Variants in AGAP5 observed in about 807,000 individuals in gnomAD.
AGAP5 encodes arf-GAP with GTPase, ANK repeat and PH domain-containing protein 5.
Under a neutral mutation model 27.7 loss-of-function variants are expected in AGAP5, and 8 were observed. The observed-to-expected ratio is 0.29, with a 90% CI of 0.17 to 0.52. The LOEUF (loss-of-function observed/expected upper bound fraction) is 0.52. Among genes scored for constraint, AGAP5 ranks in the 20% least tolerant of loss-of-function variants. The pLI is 0.97. For synonymous variants in AGAP5, 111 were observed against 338.0 expected, an observed-to-expected ratio of 0.33 and a Z score of 7.37; for missense variants, 285 against 880.8, an observed-to-expected ratio of 0.32 and a Z score of 8.56.
intron 4 of AGAP5, among the ~76,000 whole-genome samples, chr10:73,690,622 A>G (rs2082109911): frequency 1.3e-5 from 2 of 152,016 alleles, no homozygotes; most frequent in African/African-American, 4.8e-5. Flanking sequence ...AAAAAAAAAA[A>G]AAAGAGCACA....
At position 73,698,032 on chromosome 10, in the gene AGAP5, C is replaced by A. The variant is rs914136484; in HGVS notation, c.-277G>T. On this transcript the variant is annotated 5_prime_UTR_variant, in exon 1 of 8. Transcript: ENST00000374094. ...CTTATTTAATAGGTTGTGAACCCAA[C>A]AAGCGCTGAGAGACACAACAACTGC... 4 of 1,410,160 alleles carry A rather than the reference C, an allele frequency of 2.8e-6. No homozygotes were observed. The highest frequency in any genetic ancestry group is 3.7e-6 in the Non-Finnish European group (4 of 1,082,686). The allele number at this position is 1,410,160 out of a possible 1,614,324, so 87.4% of individuals were successfully genotyped here.
At chr10:73,688,168 T>C (rs1428414377) in intron 4 of AGAP5, among the ~76,000 whole-genome samples, 1 of 152,186 alleles carries the variant, frequency 6.6e-6, no homozygotes, top group African/African-American at 2.4e-5. Context: ...ACCTGAGATA[T>C]AAAGAAAACT....
At chr10:73,690,468 C>G (rs1157478740) in intron 4 of AGAP5, among the ~76,000 whole-genome samples, 3 of 152,118 alleles carry the variant, frequency 2.0e-5, no homozygotes, top group African/African-American at 2.4e-5. Context: ...GACACAAACA[C>G]TGCGGAAGGC....
intron 4 of AGAP5, among the ~76,000 whole-genome samples, chr10:73,689,739 C>A (rs1158334295): frequency 1.3e-5 from 2 of 148,470 alleles, no homozygotes; most frequent in African/African-American, 5.0e-5. Context: ...AAGTGAGGAG[C>A]CCCTCCGCCT....
At position 73,697,622 on chromosome 10, in the gene AGAP5, A is replaced by G. The variant is rs2082172385; in HGVS notation, c.134T>C (p.Met45Thr). Residue 45 changes from methionine (M) to threonine (T), a missense_variant, in exon 1 of 8, where the codon ATG becomes ACG. By Grantham distance (81) the Met-to-Thr change is moderately conservative (BLOSUM62 -1). Transcript: ENST00000374094. ...CTCAGCAGGCTGCACAGCAGCAGCCATGGGCGCTCCTGCCATCCTGTCCCC... is the reference window on the plus strand; with the variant it reads ...CTCAGCAGGCTGCACAGCAGCAGCCGTGGGCGCTCCTGCCATCCTGTCCCC... ...GAGDRMAGAP[M>T]AAAVQPAEVT... 7 of 1,608,780 alleles carry G rather than the reference A, an allele frequency of 4.4e-6. No individual in the cohort carries two copies. Among genetic ancestry groups the G allele is most frequent in the African/African-American group, 2.7e-5 (2 of 75,026 alleles).
intron 4 of AGAP5, among the ~76,000 whole-genome samples, chr10:73,685,863 T>C (rs1398215015): frequency 2.0e-5 from 3 of 152,160 alleles, no homozygotes; most frequent in Admixed American, 6.5e-5. Flanking sequence ...ATTATCTTTT[T>C]GATATGCCGT....
chr10:73,695,466 T>C (rs1407952617), intron 2 of AGAP5, among the ~76,000 whole-genome samples: 1 of 152,234 alleles, frequency 6.6e-6, no homozygotes, highest in Non-Finnish European at 1.5e-5. Flanking sequence ...TGGGCTCTCA[T>C]CCAACACTAC....
chr10:73,695,524 C>T (rs1315139667), intron 2 of AGAP5, among the ~76,000 whole-genome samples: 2 of 152,160 alleles, frequency 1.3e-5, no homozygotes, highest in East Asian at 3.9e-4. Context: ...CCTAACATCA[C>T]CAAGCAGAGT....
chr10:73,697,395 T>C (rs74670396), intron 1 of AGAP5, 138 bp downstream of exon 1: 3 of 1,570,892 alleles, frequency 1.9e-6, no homozygotes, highest in African/African-American at 2.7e-5. Context: ...CAGAGCCAGC[T>C]TTTGTTCCTG....
chr10:73,697,640 C>T lies in AGAP5; in HGVS notation c.116G>A (p.Arg39Lys), dbSNP rs1365184932. 6.2e-7 allele frequency: 1 copy of T among 1,605,044 alleles called. No individual in the cohort carries two copies. Among genetic ancestry groups the T allele is most frequent in the African/African-American group, 1.3e-5 (1 of 74,894 alleles). ...AGCAGCCATGGGCGCTCCTGCCATC[C>T]TGTCCCCAGCTCCTGCCTCATAGAT... ...SEIYEAGAGD[R>K]MAGAPMAAAV... The change falls in exon 1 of 8, where the codon AGG (arginine) becomes AAG (lysine). Residue 39 changes from arginine to lysine, a missense_variant. Arg to Lys is a conservative substitution (Grantham distance 26). Transcript: ENST00000374094.
intron 6 of AGAP5, among the ~76,000 whole-genome samples, chr10:73,676,988 C>A (rs1164104743): frequency 6.6e-6 from 1 of 152,110 alleles, no homozygotes; most frequent in African/African-American, 2.4e-5. Flanking sequence ...GATAACCAGT[C>A]AGAAATGCCC....
intron 6 of AGAP5, among the ~76,000 whole-genome samples, chr10:73,676,996 C>T (rs1409801603): frequency 6.6e-6 from 1 of 152,114 alleles, no homozygotes; most frequent in Non-Finnish European, 1.5e-5. Flanking sequence ...GTCAGAAATG[C>T]CCATGAATAT....
At chr10:73,693,468 C>T (rs1589477626) in intron 3 of AGAP5, among the ~76,000 whole-genome samples, 1 of 151,974 alleles carries the variant, frequency 6.6e-6, no homozygotes, top group African/African-American at 2.4e-5. Context: ...GAGGCTGAAG[C>T]GGGTAGATCA....
At chr10:73,695,228 A>G (rs1355241583) in intron 2 of AGAP5, among the ~76,000 whole-genome samples, 1 of 152,218 alleles carries the variant, frequency 6.6e-6, no homozygotes, top group African/African-American at 2.4e-5. Flanking sequence ...TAAAATTTTT[A>G]AAAAGTAAAT....
At chr10:73,687,931 G>A (rs1462000325) in intron 4 of AGAP5, among the ~76,000 whole-genome samples, 1 of 152,108 alleles carries the variant, frequency 6.6e-6, no homozygotes, top group African/African-American at 2.4e-5. Context: ...TGGAACAGAA[G>A]CAAGCCAGTT....
chr10:73,690,315 C>A (rs929297190), intron 4 of AGAP5, among the ~76,000 whole-genome samples: 1 of 152,156 alleles, frequency 6.6e-6, no homozygotes, highest in Non-Finnish European at 1.5e-5. Context: ...TACCCCCAAC[C>A]CTGTGCTCTC....
Position 73,677,314 on chromosome 10 carries a change from C to T in AGAP5, c.534-544G>A, listed in dbSNP as rs913223072. ...ATAAACCAGTGGTTCTCCAAATGTG[C>T]TCTGTGGACCTCTCGGGATCCCGAA... On this transcript the variant is annotated intron_variant, in intron 6 of 7. Coordinates refer to ENST00000374094, the MANE Select transcript of AGAP5 (RefSeq NM_001144000.4). Among the ~76,000 whole-genome samples, 31 of 148,984 alleles carry T rather than the reference C, an allele frequency of 2.1e-4. No homozygotes were observed. The Middle Eastern group carries it at 0.014, about 67-fold the overall frequency.
Position 73,674,722 on chromosome 10 carries a change from G to A in AGAP5, c.1938C>T (p.Tyr646=), listed in dbSNP as rs567282998. 3.3e-5 allele frequency: 53 copies of A among 1,612,060 alleles called. No homozygotes were observed. In the African/African-American group the frequency reaches 6.7e-4, roughly 20 times the overall value. The change falls in exon 8 of 8, where the codon TAC becomes TAT. Residue 646 remains tyrosine (Y), a synonymous_variant. Transcript: ENST00000374094. ...NVVLAQLLIW[Y]GVDVMARDAH... ...CATCTCGGGCCATGACGTCCACCCC[G>A]TACCAGATCAGGAGCTGTGCCAGGA... is the stretch of plus-strand genomic sequence containing the variant.
intron 4 of AGAP5, among the ~76,000 whole-genome samples, chr10:73,690,856 G>A (rs542804213): frequency 6.6e-6 from 1 of 152,284 alleles, no homozygotes; most frequent in East Asian, 1.9e-4. Flanking sequence ...GCCCAGAAAA[G>A]CAGACATCAA....
Sources: gnomAD v4.1 joint callset for allele counts (sites outside exome capture counted in the v4.1 genomes callset) on GRCh38, gnomAD v4.1.1 for gene constraint, MANE v1.5 for transcripts, NCBI Gene and HGNC (gene_info 2026-07-23, HGNC 2026-07-21) for gene names.